The following ORC4 variants were observed in gnomAD, a reference collection of about 807,000 sequenced individuals.
ORC4 encodes the protein origin recognition complex subunit 4.
A neutral mutation model predicts 63.9 loss-of-function variants in ORC4; 55 were observed. The ratio of observed to expected loss-of-function variants is 0.86; its 90% CI spans 0.69 to 1.08. ORC4 has a LOEUF of 1.08. Ranked by LOEUF, ORC4 falls within the 50% of genes least tolerant of loss-of-function variation. The pLI, the probability that ORC4 is intolerant of heterozygous loss-of-function variation, is 0.00. For missense variants in ORC4, 511 were observed against 504.4 expected (o/e 1.01, Z -0.13); for synonymous variants, 150 against 168.5 (o/e 0.89, Z 0.85).
At chr2:147,972,593 AAAAAAAC>A in intron 4 of ORC4, 139 bp downstream of exon 4, 1 of 456,304 alleles carries the variant, frequency 2.2e-6, no homozygotes, top group African/African-American at 2.0e-5. Context: ...ATTAAAAAAG[AAAAAAAC>A]AAAAAAGTAA....
At chr2:147,937,557 T>C (rs1345994) in intron 13 of ORC4, among the ~76,000 whole-genome samples, 1 of 151,994 alleles carries the variant, frequency 6.6e-6, no homozygotes, top group Admixed American at 6.6e-5. Context: ...TCTTCTATAA[T>C]GATTATAGAA....
chr2:147,932,601 G>A lies in ORC4; in HGVS notation c.*2909C>T, dbSNP rs1176497590. On this transcript the variant is annotated 3_prime_UTR_variant, in exon 14 of 14. Coordinates refer to ENST00000392857, the MANE Select transcript of ORC4 (RefSeq NM_181741.4). The stretch of plus-strand genomic sequence containing the variant: ...AAGAATGAGGATAGTGGTGAGTGAA[G>A]GGAGATTTGTTAATTATGGCATTTC... 1 of 152,146 alleles carries A rather than the reference G, an allele frequency of 6.6e-6. No individual in the cohort carries two copies. Among genetic ancestry groups the A allele is most frequent in the African/African-American group, 2.4e-5 (1 of 41,442 alleles). The allele number at this position is 152,146 out of a possible 1,614,324, so 9.4% of individuals were successfully genotyped here.
At chr2:147,957,945 G>A (rs528542613) in intron 6 of ORC4, among the ~76,000 whole-genome samples, 1 of 152,186 alleles carries the variant, frequency 6.6e-6, no homozygotes, top group Non-Finnish European at 1.5e-5. Flanking sequence ...TCTCAAAAAA[G>A]TAGAAATAGG....
chr2:147,979,632 G>A (rs925408436), intron 1 of ORC4, among the ~76,000 whole-genome samples: 4 of 151,808 alleles, frequency 2.6e-5, no homozygotes, highest in African/African-American at 7.3e-5. Context: ...AGACAATCAT[G>A]AGCTAAAGAA....
intron 10 of ORC4, 147 bp downstream of exon 10, chr2:147,943,289 G>A: frequency 3.0e-6 from 2 of 657,076 alleles, no homozygotes; most frequent in East Asian, 2.7e-5. Flanking sequence ...AGTGGTTGAT[G>A]CTTGTAATGT....
chr2:147,991,267 C>T (rs529119767), intron 1 of ORC4, among the ~76,000 whole-genome samples: 48 of 151,958 alleles, frequency 3.2e-4, no homozygotes, highest in Admixed American at 5.9e-4. Flanking sequence ...AGGCTGGTCT[C>T]GAACTCCTGA....
At position 148,002,008 on chromosome 2, in the gene ORC4, A is replaced by T. The variant is rs189338001; in HGVS notation, c.-18+18625T>A. Among the ~76,000 whole-genome samples, 12 of 152,352 alleles carry T rather than the reference A, an allele frequency of 7.9e-5. 1 individual carries two copies. The highest frequency in any genetic ancestry group is 6.5e-4 in the Admixed American group (10 of 15,304). On this transcript the variant is annotated intron_variant, in intron 1 of 13. Coordinates refer to ENST00000392857, the MANE Select transcript of ORC4 (RefSeq NM_181741.4). Reference sequence around the variant, plus strand: ...TAAACCAACAAAGATAAAAAAAGACAAAGAAGGACATTACATAATGACAAA... The same window carrying T: ...TAAACCAACAAAGATAAAAAAAGACTAAGAAGGACATTACATAATGACAAA...
intron 1 of ORC4, among the ~76,000 whole-genome samples, chr2:148,017,287 C>T (rs1193708245): frequency 6.6e-6 from 1 of 152,200 alleles, no homozygotes; most frequent in Non-Finnish European, 1.5e-5. Context: ...TGTTTTCATA[C>T]TGTCTTTGAA....
At chr2:147,961,013 G>C (rs1001946333) in intron 4 of ORC4, among the ~76,000 whole-genome samples, 1 of 151,990 alleles carries the variant, frequency 6.6e-6, no homozygotes, top group Non-Finnish European at 1.5e-5. Context: ...TATAGAGTTA[G>C]CATTTTTGTA....
At chr2:147,972,619 A>C in intron 4 of ORC4, 120 bp downstream of exon 4, 1 of 527,132 alleles carries the variant, frequency 1.9e-6, no homozygotes, top group Non-Finnish European at 3.2e-6. Context: ...AAAACATTAC[A>C]AAATAATGAA....
At chr2:147,965,561 A>T (rs1432893066) in intron 4 of ORC4, among the ~76,000 whole-genome samples, 1 of 152,196 alleles carries the variant, frequency 6.6e-6, no homozygotes, top group African/African-American at 2.4e-5. Flanking sequence ...ACACTGAAAC[A>T]CTCAGATGTA....
chr2:147,993,130 A>C (rs2105407428), intron 1 of ORC4, among the ~76,000 whole-genome samples: 1 of 152,284 alleles, frequency 6.6e-6, no homozygotes, highest in African/African-American at 2.4e-5. Flanking sequence ...GAACCTAAGC[A>C]TACCAATGGG....
intron 9 of ORC4, chr2:147,947,789 G>A (rs1688738281): frequency 8.4e-6 from 2 of 237,882 alleles, no homozygotes; most frequent in Non-Finnish European, 1.6e-5. Context: ...TAAAACTAAA[G>A]CCTCATTAAA....
At chr2:148,009,127 A>G (rs979525391) in intron 1 of ORC4, among the ~76,000 whole-genome samples, 4 of 152,104 alleles carry the variant, frequency 2.6e-5, no homozygotes, top group Admixed American at 2.0e-4. Context: ...GTTATTTGCT[A>G]ACCTCATAGT....
chr2:147,957,216 G>GATTATATA (rs558360987), intron 6 of ORC4, among the ~76,000 whole-genome samples: 4 of 145,792 alleles, frequency 2.7e-5, no homozygotes, highest in Non-Finnish European at 3.0e-5. Flanking sequence ...GAATTACATA[G>GATTATATA]ATTATATAAT....
chr2:147,958,689 T>G lies in ORC4; in HGVS notation c.301+102A>C, dbSNP rs1412319246. On this transcript the variant is annotated intron_variant, in intron 5 of 13. Coordinates refer to ENST00000392857, the MANE Select transcript of ORC4 (RefSeq NM_181741.4). Reference sequence around the variant, plus strand: ...TGTGCTAAGTAAAACATGGATCTAGTTTTCAAAATCTAACTATTAAAATGG... The same window carrying G: ...TGTGCTAAGTAAAACATGGATCTAGGTTTCAAAATCTAACTATTAAAATGG... The G allele has an allele frequency of 5.8e-6, 4 of 693,202 alleles. No homozygotes were observed. The African/African-American group carries it at 7.2e-5, about 12-fold the overall frequency. 42.9% of individuals were successfully genotyped at this position (693,202 alleles called of 1,614,324 possible). A position where few individuals can be genotyped will look rare whatever the true frequency, so the allele number is the denominator to read the frequency against.
At chr2:147,990,659 C>A (rs1438552456) in intron 1 of ORC4, among the ~76,000 whole-genome samples, 1 of 152,152 alleles carries the variant, frequency 6.6e-6, no homozygotes, top group Non-Finnish European at 1.5e-5. Context: ...GGTGAATAAA[C>A]CATGGTAATT....
At chr2:147,947,070 A>C (rs993418970) in intron 9 of ORC4, among the ~76,000 whole-genome samples, 6 of 152,046 alleles carry the variant, frequency 3.9e-5, no homozygotes, top group Admixed American at 6.6e-5. Context: ...AAACGCTTCC[A>C]ATTTAGTATT....
chr2:148,008,566 A>G (rs17218840), intron 1 of ORC4, among the ~76,000 whole-genome samples: 1,849 of 152,194 alleles, frequency 0.012, 46 homozygotes, highest in African/African-American at 0.042. Flanking sequence ...CTCCACCCTG[A>G]CTCATTCTGA....
Sources: gnomAD v4.1 joint callset for allele counts (sites outside exome capture counted in the v4.1 genomes callset) on GRCh38, gnomAD v4.1.1 for gene constraint, MANE v1.5 for transcripts, NCBI Gene and HGNC (gene_info 2026-07-23, HGNC 2026-07-21) for gene names.